The following CDKAL1 variants were observed in gnomAD, a reference collection of about 807,000 sequenced individuals.
CDKAL1 encodes the protein CDKAL1 threonylcarbamoyladenosine tRNA methylthiotransferase, also known as threonylcarbamoyladenosine tRNA methylthiotransferase.
Under a neutral mutation model 68.2 loss-of-function variants are expected in CDKAL1, and 32 were observed. That is an observed-to-expected ratio of 0.47 (90% CI 0.35 to 0.63). CDKAL1 has a LOEUF of 0.63. CDKAL1 is among the 30% of genes least tolerant of loss of function. CDKAL1 has a pLI of 0.00. For synonymous variants in CDKAL1, 234 were observed against 244.3 expected, an observed-to-expected ratio of 0.96 and a Z score of 0.39; for missense variants, 606 against 696.7, an observed-to-expected ratio of 0.87 and a Z score of 1.47.
chr6:20,950,841 G>C (rs755646687), intron 9 of CDKAL1, among the ~76,000 whole-genome samples: 31 of 152,008 alleles, frequency 2.0e-4, no homozygotes, highest in Admixed American at 8.5e-4. Flanking sequence ...ATGGTGGTGT[G>C]CGCCTGTAAT....
chr6:21,073,875 A>C (rs1363091214), intron 12 of CDKAL1, among the ~76,000 whole-genome samples: 1 of 152,078 alleles, frequency 6.6e-6, no homozygotes, highest in Non-Finnish European at 1.5e-5. Flanking sequence ...AGCACTTGGA[A>C]ATTTTTCAAC....
chr6:20,873,118 TGA>T, intron 9 of CDKAL1, among the ~76,000 whole-genome samples: 1 of 152,302 alleles, frequency 6.6e-6, no homozygotes, highest in East Asian at 1.9e-4. Flanking sequence ...AATGAAATTT[TGA>T]GAGTCAAAAA....
intron 8 of CDKAL1, among the ~76,000 whole-genome samples, chr6:20,830,478 TAATA>T (rs2150461823): frequency 6.6e-6 from 1 of 152,298 alleles, no homozygotes; most frequent in East Asian, 1.9e-4. Context: ...AGATATTTTT[TAATA>T]AATAAATTTT....
intron 9 of CDKAL1, among the ~76,000 whole-genome samples, chr6:20,940,225 A>G (rs1194939337): frequency 6.6e-6 from 1 of 152,200 alleles, no homozygotes; most frequent in Non-Finnish European, 1.5e-5. Context: ...AGAAATATAC[A>G]TAAATGAAGC....
At chr6:20,884,509 C>T (rs961018798) in intron 9 of CDKAL1, among the ~76,000 whole-genome samples, 6 of 152,120 alleles carry the variant, frequency 3.9e-5, no homozygotes, top group Non-Finnish European at 7.4e-5. Flanking sequence ...CCAATCAGAG[C>T]AGTGAAACAG....
intron 4 of CDKAL1, among the ~76,000 whole-genome samples, chr6:20,575,460 A>G (rs1581750926): frequency 6.6e-6 from 1 of 150,924 alleles, no homozygotes; most frequent in Non-Finnish European, 1.5e-5. Flanking sequence ...AAAAAAAAAA[A>G]AAGAAAGCAA....
intron 4 of CDKAL1, among the ~76,000 whole-genome samples, chr6:20,594,463 G>T (rs1479885250): frequency 6.6e-6 from 1 of 152,010 alleles, no homozygotes; most frequent in Non-Finnish European, 1.5e-5. Context: ...GATCTTTGTT[G>T]GTTTAAAGTC....
Position 21,212,575 on chromosome 6 carries a change from C to G in CDKAL1, c.1548+11301C>G, listed in dbSNP as rs539318782. Reference sequence around the variant, plus strand: ...GACAGCCTATCTCTCCTATGAGACTCAGAGTGTGGATGTTGCATTGTACCT... The same window carrying G: ...GACAGCCTATCTCTCCTATGAGACTGAGAGTGTGGATGTTGCATTGTACCT... On this transcript the variant is annotated intron_variant, in intron 15 of 15. Coordinates refer to ENST00000274695, the MANE Select transcript of CDKAL1 (RefSeq NM_017774.3). Among the ~76,000 whole-genome samples the G allele has an allele frequency of 6.8e-4, 104 of 152,206 alleles. 3 individuals are homozygous for G. The highest frequency in any genetic ancestry group is 2.4e-3 in the African/African-American group (101 of 41,538).
chr6:21,203,398 G>A (rs112232359), intron 15 of CDKAL1, among the ~76,000 whole-genome samples: 2,619 of 151,166 alleles, frequency 0.017, 69 homozygotes, highest in African/African-American at 0.059. Context: ...CACTACGCCC[G>A]GCTAATTTTT....
chr6:20,707,073 A>T (rs1406593770), intron 5 of CDKAL1, among the ~76,000 whole-genome samples: 1 of 152,226 alleles, frequency 6.6e-6, no homozygotes, highest in Non-Finnish European at 1.5e-5. Flanking sequence ...GTCTGTCATT[A>T]AAAACAATTT....
chr6:21,205,676 A>G (rs6932316), intron 15 of CDKAL1, among the ~76,000 whole-genome samples: 59,680 of 147,902 alleles, frequency 0.4, 12,243 homozygotes, highest in African/African-American at 0.48. Flanking sequence ...GACCACAGGA[A>G]CCCGCCACCA....
chr6:20,919,923 G>T (rs1434821391), intron 9 of CDKAL1, among the ~76,000 whole-genome samples: 1 of 152,176 alleles, frequency 6.6e-6, no homozygotes, highest in Non-Finnish European at 1.5e-5. Context: ...TTAGATTCCA[G>T]GTTTGCTAGC....
At chr6:20,833,865 GA>G (rs944507460) in intron 8 of CDKAL1, among the ~76,000 whole-genome samples, 1 of 152,068 alleles carries the variant, frequency 6.6e-6, no homozygotes, top group African/African-American at 2.4e-5. Context: ...GGTTGGGTAG[GA>G]GAGATCTCAG....
At chr6:20,706,433 C>G (rs1481301830) in intron 5 of CDKAL1, among the ~76,000 whole-genome samples, 2 of 152,188 alleles carry the variant, frequency 1.3e-5, no homozygotes, top group Non-Finnish European at 2.9e-5. Context: ...TCCAACTAGC[C>G]TAGTTTCCAC....
intron 9 of CDKAL1, among the ~76,000 whole-genome samples, chr6:20,885,909 C>G (rs1761043655): frequency 6.6e-6 from 1 of 151,842 alleles, no homozygotes. Context: ...ATGGTGAAAC[C>G]CCATCTCTAT....
At chr6:20,656,042 T>C (rs1388612091) in intron 5 of CDKAL1, among the ~76,000 whole-genome samples, 1 of 152,212 alleles carries the variant, frequency 6.6e-6, no homozygotes, top group Non-Finnish European at 1.5e-5. Flanking sequence ...AGATTCCATT[T>C]GTATTCCTGT....
chr6:20,818,758 C>T (rs907090528), intron 8 of CDKAL1, among the ~76,000 whole-genome samples: 5 of 150,964 alleles, frequency 3.3e-5, no homozygotes, highest in African/African-American at 1.2e-4. Flanking sequence ...TATATATACA[C>T]ACACTAATAT....
chr6:20,628,044 G>A (rs1345581219), intron 4 of CDKAL1, among the ~76,000 whole-genome samples: 1 of 152,090 alleles, frequency 6.6e-6, no homozygotes, highest in Non-Finnish European at 1.5e-5. Context: ...TGTGAAAAGA[G>A]ACAGTTTTAT....
At position 21,163,265 on chromosome 6, in the gene CDKAL1, C is replaced by T. The variant is rs76196982; in HGVS notation, c.1300-34756C>T. Among the ~76,000 whole-genome samples, 683 of 152,292 alleles carry T rather than the reference C, an allele frequency of 4.5e-3. 3 individuals are homozygous for T. The highest frequency in any genetic ancestry group is 0.015 in the African/African-American group (637 of 41,560). ...TCCTGAGTTCTCGTTCATGAGCCAC[C>T]TTCCTGGGGTCGGTTTTATAACCTC... On this transcript the variant is annotated intron_variant, in intron 13 of 15. Coordinates refer to ENST00000274695, the MANE Select transcript of CDKAL1 (RefSeq NM_017774.3).
Sources: gnomAD v4.1 joint callset for allele counts (sites outside exome capture counted in the v4.1 genomes callset) on GRCh38, gnomAD v4.1.1 for gene constraint, MANE v1.5 for transcripts, NCBI Gene and HGNC (gene_info 2026-07-23, HGNC 2026-07-21) for gene names.